The following PTPRD variants were observed in gnomAD, a reference collection of about 807,000 sequenced individuals.
PTPRD encodes the protein receptor-type tyrosine-protein phosphatase delta.
A neutral mutation model predicts 214.5 loss-of-function variants in PTPRD; 34 were observed. The observed-to-expected ratio is 0.16, with a 90% CI of 0.12 to 0.21. The LOEUF (loss-of-function observed/expected upper bound fraction) is 0.21. PTPRD is among the 10% of genes least tolerant of loss of function. The pLI is 1.00. For synonymous variants in PTPRD, 1,128 were observed against 845.7 expected (o/e 1.33, Z -5.79); for missense variants, 2,545 against 2,398.7 (o/e 1.06, Z -1.27).
chr9:8,663,353 T>C (rs1247195717), intron 12 of PTPRD, among the ~76,000 whole-genome samples: 1 of 151,736 alleles, frequency 6.6e-6, no homozygotes, highest in Non-Finnish European at 1.5e-5. Flanking sequence ...TTAAGAAAAT[T>C]AAAATTTTGG....
At chr9:8,396,020 T>C (rs1172152443) in intron 36 of PTPRD, among the ~76,000 whole-genome samples, 1 of 152,008 alleles carries the variant, frequency 6.6e-6, no homozygotes, top group African/African-American at 2.4e-5. Context: ...AGCTTTATAC[T>C]AATAAGGAGG....
intron 9 of PTPRD, among the ~76,000 whole-genome samples, chr9:9,334,207 A>G (rs965494853): frequency 2.6e-5 from 4 of 152,012 alleles, no homozygotes; most frequent in East Asian, 1.9e-4. Context: ...TTGCTTAACA[A>G]TAAAACAGAC....
rs2099623588 is a variant in PTPRD at position 9,036,865 on chromosome 9, A to G, written c.-142-18130T>C. On this transcript the variant is annotated intron_variant, in intron 10 of 45. Transcript: ENST00000381196. ...AGCCTGCTCAAGTTTTGACAGGAAC[A>G]AAGCAACAGAACACATCCAACATCA... Among the ~76,000 whole-genome samples the G allele has an allele frequency of 2.0e-5, 3 of 152,332 alleles. No individual in the cohort carries two copies. The South Asian group carries it at 6.2e-4, about 32-fold the overall frequency.
chr9:9,899,880 G>A (rs1011754599), intron 5 of PTPRD, among the ~76,000 whole-genome samples: 1 of 152,054 alleles, frequency 6.6e-6, no homozygotes, highest in African/African-American at 2.4e-5. Flanking sequence ...AAAAAATCCA[G>A]TCACTTGTGA....
intron 9 of PTPRD, among the ~76,000 whole-genome samples, chr9:9,323,001 A>G (rs145124235): frequency 0.013 from 2,032 of 152,278 alleles, 45 homozygotes; most frequent in African/African-American, 0.047. Flanking sequence ...AAAATAAATT[A>G]CTAGTGCTAG....
At chr9:9,135,807 T>C (rs2099849913) in intron 10 of PTPRD, among the ~76,000 whole-genome samples, 1 of 152,046 alleles carries the variant, frequency 6.6e-6, no homozygotes, top group Non-Finnish European at 1.5e-5. Context: ...AGCAGCTACA[T>C]TTGGTCACAA....
intron 4 of PTPRD, among the ~76,000 whole-genome samples, chr9:10,018,392 T>G (rs894242896): frequency 1.8e-4 from 27 of 152,072 alleles, no homozygotes; most frequent in Admixed American, 7.9e-4. Flanking sequence ...CTTTCTTAAG[T>G]GTCTAGATCT....
intron 14 of PTPRD, among the ~76,000 whole-genome samples, chr9:8,603,516 T>C (rs1036033931): frequency 1.3e-5 from 2 of 152,150 alleles, no homozygotes; most frequent in African/African-American, 4.8e-5. Flanking sequence ...TTTTTTCCTA[T>C]AACGTGAATA....
chr9:8,634,563 T>G (rs574610248), intron 13 of PTPRD, among the ~76,000 whole-genome samples: 1 of 152,214 alleles, frequency 6.6e-6, no homozygotes, highest in African/African-American at 2.4e-5. Flanking sequence ...CACAAAAATA[T>G]TCAAAATGGC....
rs374373402 is a variant in PTPRD, at chr9:8,486,227, C to A, written c.2590G>T (p.Asp864Tyr). The part of the protein sequence containing the change: ...QGYRLKFGRK[D>Y]MEPLTTLEFS... ...TCAAGAGTAGTAAGTGGCTCCATAT[C>A]CTTGCGGCCAAATTTTAGACGGTAG... Residue 864 changes from aspartate (D) to tyrosine (Y), a missense_variant, in exon 28 of 46, where the codon GAT (aspartate) becomes TAT (tyrosine). By Grantham distance (160) the Asp-to-Tyr change is radical. Coordinates refer to ENST00000381196, the MANE Select transcript of PTPRD (RefSeq NM_002839.4). The A allele has an allele frequency of 1.2e-6, 2 of 1,614,058 alleles. No homozygotes were observed. The highest frequency in any genetic ancestry group is 3.3e-5 in the Admixed American group (2 of 59,996).
intron 2 of PTPRD, among the ~76,000 whole-genome samples, chr9:10,501,193 T>C (rs911870703): frequency 2.0e-5 from 3 of 151,946 alleles, no homozygotes; most frequent in African/African-American, 4.8e-5. Flanking sequence ...TACATCCTCA[T>C]TGGCATTCAC....
chr9:8,408,553 G>A (rs575791836), intron 35 of PTPRD, among the ~76,000 whole-genome samples: 29 of 152,224 alleles, frequency 1.9e-4, no homozygotes, highest in Admixed American at 5.9e-4. Context: ...TTAAGTAAAA[G>A]TTGATTAATA....
At chr9:10,236,804 T>C (rs1273037201) in intron 3 of PTPRD, among the ~76,000 whole-genome samples, 1 of 151,954 alleles carries the variant, frequency 6.6e-6, no homozygotes, top group Non-Finnish European at 1.5e-5. Context: ...TATGTTAGGA[T>C]ATTGCATAAT....
At chr9:8,374,580 C>T (rs1045564766) in intron 39 of PTPRD, among the ~76,000 whole-genome samples, 1 of 152,002 alleles carries the variant, frequency 6.6e-6, no homozygotes, top group Non-Finnish European at 1.5e-5. Context: ...TACGCCATCA[C>T]CTTCTTAGTT....
intron 7 of PTPRD, among the ~76,000 whole-genome samples, chr9:9,633,239 A>C (rs10977900): frequency 4.6e-5 from 7 of 151,712 alleles, no homozygotes; most frequent in African/African-American, 1.7e-4. Context: ...AGGTTGAAGT[A>C]AGCCTAGATC....
At chr9:9,562,914 G>GTATTT (rs2083350122) in intron 8 of PTPRD, among the ~76,000 whole-genome samples, 2 of 152,142 alleles carry the variant, frequency 1.3e-5, no homozygotes, top group Admixed American at 1.3e-4. Flanking sequence ...CATGTGGGCA[G>GTATTT]ACATCTTTGC....
At chr9:8,535,180 C>G (rs1342386131) in intron 14 of PTPRD, among the ~76,000 whole-genome samples, 2 of 151,784 alleles carry the variant, frequency 1.3e-5, no homozygotes, top group Non-Finnish European at 2.9e-5. Flanking sequence ...AAAATACTAG[C>G]ATATATGTAC....
At chr9:10,086,601 C>G (rs2098342272) in intron 3 of PTPRD, among the ~76,000 whole-genome samples, 1 of 151,734 alleles carries the variant, frequency 6.6e-6, no homozygotes, top group Admixed American at 6.6e-5. Context: ...GCAAAGTGTT[C>G]CTTCCTGATT....
At chr9:10,431,288 G>C (rs2098675351) in intron 2 of PTPRD, among the ~76,000 whole-genome samples, 4 of 152,020 alleles carry the variant, frequency 2.6e-5, no homozygotes, top group Admixed American at 2.0e-4. Context: ...ATCAATTCAA[G>C]ATGGATTAAA....
Sources: gnomAD v4.1 joint callset for allele counts (sites outside exome capture counted in the v4.1 genomes callset) on GRCh38, gnomAD v4.1.1 for gene constraint, MANE v1.5 for transcripts, NCBI Gene and HGNC (gene_info 2026-07-23, HGNC 2026-07-21) for gene names.